The following SUFU variants were observed in gnomAD, a reference collection of about 807,000 sequenced individuals.
SUFU encodes SUFU negative regulator of hedgehog signaling, also known as suppressor of fused homolog.
Under a neutral mutation model 58.9 loss-of-function variants are expected in SUFU, and 7 were observed. That is an observed-to-expected ratio of 0.12 (90% CI 0.07 to 0.22). The LOEUF (loss-of-function observed/expected upper bound fraction) is 0.22, where lower values mean the gene tolerates loss of function less well. SUFU is among the 10% of genes least tolerant of loss of function. SUFU has a pLI of 1.00. For synonymous variants in SUFU, 232 were observed against 254.8 expected (o/e 0.91, Z 0.85); for missense variants, 451 against 641.3 (o/e 0.70, Z 3.20).
intron 3 of SUFU, among the ~76,000 whole-genome samples, chr10:102,581,124 G>A (rs1396217102): frequency 6.9e-6 from 1 of 144,952 alleles, no homozygotes; most frequent in Non-Finnish European, 1.5e-5. Context: ...AGGTTGCAGT[G>A]AGCCGAGATT....
At chr10:102,520,695 A>G (rs1169084302) in intron 2 of SUFU, among the ~76,000 whole-genome samples, 1 of 152,136 alleles carries the variant, frequency 6.6e-6, no homozygotes, top group Non-Finnish European at 1.5e-5. Flanking sequence ...GCCTTTTCCA[A>G]AAGGTCATAG....
In SUFU at chr10:102,508,869, T is replaced by C. The variant is rs12767131; in HGVS notation, c.183-300T>C. On this transcript the variant is annotated intron_variant, in intron 1 of 11. Coordinates refer to ENST00000369902, the MANE Select transcript of SUFU (RefSeq NM_016169.4). The stretch of plus-strand genomic sequence containing the variant: ...GAGAGACAATCCCTGCCAATCTCAT[T>C]TGGGATCGGTAATTTGAAACAGGAG... 0.23 allele frequency among the ~76,000 whole-genome samples: 35,396 copies of C among 152,168 alleles called. 4,604 individuals carry two copies. The highest frequency in any genetic ancestry group is 0.34 in the South Asian group (1,638 of 4,824).
chr10:102,597,136 G>T lies in SUFU; in HGVS notation c.757-4G>T, dbSNP rs1554852773. Reference sequence around the variant, plus strand: ...ACTCTGGCTCTTTGGTTCTTTTCAAGCAGGAGAGAGTTGACAAAGGCATCG... The same window carrying T: ...ACTCTGGCTCTTTGGTTCTTTTCAATCAGGAGAGAGTTGACAAAGGCATCG... On this transcript the variant is annotated splice_polypyrimidine_tract_variant and splice_region_variant and intron_variant, in intron 6 of 11. Coordinates refer to ENST00000369902, the MANE Select transcript of SUFU (RefSeq NM_016169.4). 6.2e-7 allele frequency: 1 copy of T among 1,613,992 alleles called. No homozygotes were observed. The highest frequency in any genetic ancestry group is 1.1e-5 in the South Asian group (1 of 91,066).
chr10:102,506,342 A>T (rs2062326722), intron 1 of SUFU, among the ~76,000 whole-genome samples: 1 of 152,182 alleles, frequency 6.6e-6, no homozygotes, highest in Non-Finnish European at 1.5e-5. Flanking sequence ...CCCTTCCTAG[A>T]TGCAGAAAAG....
chr10:102,545,551 A>G (rs2062846957), intron 2 of SUFU, among the ~76,000 whole-genome samples: 1 of 152,078 alleles, frequency 6.6e-6, no homozygotes, highest in Non-Finnish European at 1.5e-5. Context: ...CCATCATTTT[A>G]TATTCCCCCT....
At chr10:102,568,945 T>C (rs61871132) in intron 3 of SUFU, among the ~76,000 whole-genome samples, 19,814 of 74,372 alleles carry the variant, frequency 0.27, 3,753 homozygotes, top group East Asian at 0.47. Context: ...TATATATATA[T>C]ATATATATAT....
Position 102,619,250 on chromosome 10 carries a change from C to T in SUFU, c.1296+1822C>T, listed in dbSNP as rs1005775983. On this transcript the variant is annotated intron_variant, in intron 10 of 11. Transcript: ENST00000369902. This position sits in a 1 kb window ranked among gnomAD's most constrained non-coding sequence, Gnocchi z 4.2. ...CGGACCCAACCCCAATTCCCCAAGC[C>T]CCTGACCCCCTAGCTGCCGGGGTTC... is the stretch of plus-strand genomic sequence containing the variant. 1 of 1,477,602 alleles carries T rather than the reference C, an allele frequency of 6.8e-7. No individual in the cohort carries two copies. Among genetic ancestry groups the T allele is most frequent in the African/African-American group, 1.4e-5 (1 of 71,974 alleles). 91.5% of individuals were successfully genotyped at this position (1,477,602 alleles called of 1,614,324 possible).
chr10:102,579,202 T>C (rs900726644), intron 3 of SUFU, among the ~76,000 whole-genome samples: 4 of 152,226 alleles, frequency 2.6e-5, no homozygotes, highest in Admixed American at 2.6e-4. Flanking sequence ...AGGTGAACCC[T>C]CCTGAGCTCT....
At chr10:102,578,235 A>T (rs1235589743) in intron 3 of SUFU, among the ~76,000 whole-genome samples, 1 of 149,428 alleles carries the variant, frequency 6.7e-6, no homozygotes, top group Non-Finnish European at 1.5e-5. Context: ...CTGGGCGACA[A>T]AGCGAGACTC....
Position 102,617,181 on chromosome 10 carries a change from C to G in SUFU, c.1158-109C>G, listed in dbSNP as rs933501447. ...GTGGGCAGCCAGGAGGGCATGTTACCTGGCCCGCGGACCATAGTCCCCACT... is the reference window on the plus strand; with the variant it reads ...GTGGGCAGCCAGGAGGGCATGTTACGTGGCCCGCGGACCATAGTCCCCACT... On this transcript the variant is annotated intron_variant, in intron 9 of 11. Coordinates refer to ENST00000369902, the MANE Select transcript of SUFU (RefSeq NM_016169.4). This position sits in a 1 kb window ranked among gnomAD's most constrained non-coding sequence, Gnocchi z 4.4. 2.0e-6 allele frequency: 3 copies of G among 1,481,752 alleles called. No homozygotes were observed. The highest frequency in any genetic ancestry group is 2.8e-6 in the Non-Finnish European group (3 of 1,069,300). The allele number at this position is 1,481,752 out of a possible 1,614,324, so 91.8% of individuals were successfully genotyped here.
chr10:102,564,394 G>A (rs926121105), intron 3 of SUFU, among the ~76,000 whole-genome samples: 2 of 152,182 alleles, frequency 1.3e-5, no homozygotes, highest in African/African-American at 4.8e-5. Flanking sequence ...GTGCAGTGGT[G>A]TGATCTCGGC....
At chr10:102,626,067 G>A (rs946201351) in intron 10 of SUFU, among the ~76,000 whole-genome samples, 13 of 152,302 alleles carry the variant, frequency 8.5e-5, no homozygotes, top group African/African-American at 3.1e-4. Context: ...AAGGTGTACG[G>A]GAGAAGACAG....
At chr10:102,616,759 T>C (rs1275327129) in intron 9 of SUFU, among the ~76,000 whole-genome samples, 1 of 152,180 alleles carries the variant, frequency 6.6e-6, no homozygotes, top group Non-Finnish European at 1.5e-5. Context: ...TTTAAAGATG[T>C]GCTGTGGCCT....
intron 2 of SUFU, among the ~76,000 whole-genome samples, chr10:102,528,905 G>A (rs189515233): frequency 2.8e-4 from 43 of 151,754 alleles, no homozygotes; most frequent in African/African-American, 1.0e-3. Context: ...AGCCTTATTG[G>A]ACTCCCAGGT....
At chr10:102,608,472 G>A (rs1234566643) in intron 8 of SUFU, among the ~76,000 whole-genome samples, 1 of 152,226 alleles carries the variant, frequency 6.6e-6, no homozygotes, top group Non-Finnish European at 1.5e-5. Context: ...GGCAAGCCCA[G>A]GGGAACTTCA....
At chr10:102,623,663 G>A (rs1373624727) in intron 10 of SUFU, among the ~76,000 whole-genome samples, 2 of 152,292 alleles carry the variant, frequency 1.3e-5, no homozygotes, top group Admixed American at 6.5e-5. Context: ...CCTTGAGCCA[G>A]GCGTGGTGGC....
intron 2 of SUFU, among the ~76,000 whole-genome samples, chr10:102,512,536 C>G (rs879484268): frequency 6.6e-6 from 1 of 152,160 alleles, no homozygotes; most frequent in African/African-American, 2.4e-5. Flanking sequence ...TGAAATAGGA[C>G]CTTTCTTATT....
In SUFU at chr10:102,629,972, G is replaced by C; in HGVS notation, c.1366-94G>C. On this transcript the variant is annotated intron_variant, in intron 11 of 11. Coordinates refer to ENST00000369902, the MANE Select transcript of SUFU (RefSeq NM_016169.4). This position sits in a 1 kb window ranked among gnomAD's most constrained non-coding sequence, Gnocchi z 4.7. ...CCTCCCGCGGCCTGTCCTATCCCTA[G>C]CTCCCCGGGGACAGGCCTGGGCAAT... 8.4e-7 allele frequency: 1 copy of C among 1,186,346 alleles called. No homozygotes were observed. The allele number at this position is 1,186,346 out of a possible 1,614,324, so 73.5% of individuals were successfully genotyped here.
At position 102,540,317 on chromosome 10, in the gene SUFU, A is replaced by G. The variant is rs574848702; in HGVS notation, c.318-9653A>G. 7.9e-5 allele frequency among the ~76,000 whole-genome samples: 12 copies of G among 152,244 alleles called. No individual in the cohort carries two copies. The South Asian group carries it at 2.5e-3, about 32-fold the overall frequency. On this transcript the variant is annotated intron_variant, in intron 2 of 11. Coordinates refer to ENST00000369902, the MANE Select transcript of SUFU (RefSeq NM_016169.4). ...CTATTTCCATATTGGTTTCTCTCTT[A>G]AATACCATGAATTCATACTGATACC... is the stretch of plus-strand genomic sequence containing the variant.
Sources: allele counts gnomAD v4.1 joint callset (sites outside exome capture counted in the v4.1 genomes callset), GRCh38; gene constraint gnomAD v4.1.1; non-coding constraint Gnocchi (gnomAD v3.1); transcripts MANE v1.5; gene names NCBI Gene and HGNC (gene_info 2026-07-23, HGNC 2026-07-21).